Variants in FARS2 observed in about 807,000 individuals in gnomAD.
FARS2 encodes phenylalanyl-tRNA synthetase 2, mitochondrial.
FARS2 carries 40 observed loss-of-function variants against 46.4 expected under a neutral mutation model. The ratio of observed to expected loss-of-function variants is 0.86; its 90% confidence interval spans 0.67 to 1.12. FARS2 has a LOEUF of 1.12. FARS2 is among the 50% of genes most tolerant of loss of function. FARS2 has a pLI of 0.00. For missense variants in FARS2, 513 were observed against 567.9 expected (o/e 0.90, Z 0.98); for synonymous variants, 234 against 214.9 (o/e 1.09, Z -0.78).
At chr6:5,403,600 T>C (rs1444566681) in intron 2 of FARS2, among the ~76,000 whole-genome samples, 2 of 152,240 alleles carry the variant, frequency 1.3e-5, no homozygotes, top group Non-Finnish European at 2.9e-5. Flanking sequence ...ACTTCTTCAA[T>C]GCTGTTAAGA....
intron 6 of FARS2, among the ~76,000 whole-genome samples, chr6:5,653,232 A>G (rs1279359482): frequency 2.0e-5 from 3 of 152,210 alleles, no homozygotes; most frequent in Non-Finnish European, 4.4e-5. Context: ...GAATTCTCTT[A>G]CTGAAGTATC....
rs77844480 is a variant in FARS2, at chr6:5,704,555, C to T, written c.1218-66736C>T. Among the ~76,000 whole-genome samples, 1,477 of 152,316 alleles carry T rather than the reference C, an allele frequency of 9.7e-3. 23 individuals carry two copies. The highest frequency in any genetic ancestry group is 0.031 in the African/African-American group (1,306 of 41,568). On this transcript the variant is annotated intron_variant, in intron 6 of 6. Coordinates refer to ENST00000274680, the MANE Select transcript of FARS2 (RefSeq NM_006567.5). ...CTGCAACTATGTTTTGTCTCATTCACGTGTCAATATATACATATGCTAGAT... is the reference window on the plus strand; with the variant it reads ...CTGCAACTATGTTTTGTCTCATTCATGTGTCAATATATACATATGCTAGAT...
At chr6:5,408,431 G>C (rs1300679713) in intron 3 of FARS2, among the ~76,000 whole-genome samples, 2 of 152,160 alleles carry the variant, frequency 1.3e-5, no homozygotes, top group Non-Finnish European at 2.9e-5. Flanking sequence ...ACGGAAAGAA[G>C]GAAAGAAGAG....
intron 4 of FARS2, among the ~76,000 whole-genome samples, chr6:5,435,013 A>G (rs939202180): frequency 6.6e-6 from 1 of 152,172 alleles, no homozygotes; most frequent in Non-Finnish European, 1.5e-5. Context: ...TCATTTAACC[A>G]TGATAACAAG....
At chr6:5,416,849 A>C (rs1448626029) in intron 3 of FARS2, among the ~76,000 whole-genome samples, 1 of 152,214 alleles carries the variant, frequency 6.6e-6, no homozygotes, top group East Asian at 1.9e-4. Flanking sequence ...CTGTTACCCC[A>C]CTTCTGTATA....
chr6:5,419,670 G>A (rs1762435068), intron 3 of FARS2, among the ~76,000 whole-genome samples: 1 of 152,116 alleles, frequency 6.6e-6, no homozygotes, highest in Admixed American at 6.5e-5. Flanking sequence ...TAGGCCTATG[G>A]CTTGGATCCC....
At chr6:5,648,692 C>T (rs1777198354) in intron 6 of FARS2, among the ~76,000 whole-genome samples, 1 of 152,248 alleles carries the variant, frequency 6.6e-6, no homozygotes, top group Admixed American at 6.5e-5. Context: ...GGATTCAAAT[C>T]CAAAGGCTAG....
At position 5,768,863 on chromosome 6, in the gene FARS2, T is replaced by G. The variant is rs78153302; in HGVS notation, c.1218-2428T>G. Among the ~76,000 whole-genome samples the G allele has an allele frequency of 4.2e-3, 635 of 152,346 alleles. 3 individuals are homozygous for G. Among genetic ancestry groups the G allele is most frequent in the African/African-American group, 0.015 (614 of 41,576 alleles). On this transcript the variant is annotated intron_variant, in intron 6 of 6. Transcript: ENST00000274680. ...TTGAGTTGTAAGAGTTCTTTGTATA[T>G]TCTAGATACAAATCCCTTATCAGGT...
rs182958471 is a variant in FARS2 at position 5,456,938 on chromosome 6, G to A, written c.904+25766G>A. The A allele has an allele frequency of 3.9e-3, 587 of 152,268 alleles. 5 individuals carry two copies. Among genetic ancestry groups the A allele is most frequent in the African/African-American group, 0.013 (551 of 41,524 alleles). 9.4% of individuals were successfully genotyped at this position (152,268 alleles called of 1,614,324 possible). ...ACAACAGCAGGGAAAGGGAGGCCGA[G>A]GGTAGCCCACTTACCTCGCCTTGGT... On this transcript the variant is annotated intron_variant, in intron 4 of 6. Transcript: ENST00000274680.
intron 6 of FARS2, among the ~76,000 whole-genome samples, chr6:5,717,908 C>CCATATATATATA (rs1554128848): frequency 1.3e-5 from 1 of 77,716 alleles, no homozygotes; most frequent in African/African-American, 4.2e-5. Flanking sequence ...AAGGTATCAG[C>CCATATATATATA]TATATATATA....
intron 4 of FARS2, among the ~76,000 whole-genome samples, chr6:5,521,953 A>G (rs1769166312): frequency 6.6e-6 from 1 of 152,180 alleles, no homozygotes; most frequent in African/African-American, 2.4e-5. Context: ...CAAGGATAAA[A>G]TGTCATTGAC....
chr6:5,377,893 A>G (rs1482456498), intron 2 of FARS2, among the ~76,000 whole-genome samples: 2 of 152,196 alleles, frequency 1.3e-5, no homozygotes, highest in Admixed American at 1.3e-4. Flanking sequence ...CTTAGTCCCT[A>G]TAATGTTTTG....
chr6:5,479,275 G>A (rs933783520), intron 4 of FARS2, among the ~76,000 whole-genome samples: 4 of 152,282 alleles, frequency 2.6e-5, no homozygotes, highest in Admixed American at 1.3e-4. Context: ...TTGGGTGTGT[G>A]CCCTCTTTCT....
rs549777081 is a variant in FARS2, at chr6:5,423,503, G to T, written c.773-7538G>T. ...ACATTGGTCTTTCTGCCAAGCAGAA[G>T]AATAATAGCTGTGGGACCAGTTATA... On this transcript the variant is annotated intron_variant, in intron 3 of 6. Transcript: ENST00000274680. Among the ~76,000 whole-genome samples, 3 of 152,230 alleles carry T rather than the reference G, an allele frequency of 2.0e-5. No homozygotes were observed. In the South Asian group the frequency reaches 6.2e-4, roughly 32 times the overall value.
At chr6:5,632,637 T>C (rs7768502) in intron 6 of FARS2, among the ~76,000 whole-genome samples, 77,338 of 141,138 alleles carry the variant, frequency 0.55, 21,647 homozygotes, top group East Asian at 0.93. Flanking sequence ...CTCCCTCCCT[T>C]CTTCCTTCCT....
chr6:5,291,178 T>C (rs952862664), intron 1 of FARS2: 4 of 152,240 alleles, frequency 2.6e-5, no homozygotes, highest in Non-Finnish European at 2.9e-5. Context: ...ACAGGCTTTG[T>C]TAGCATTTAC....
At chr6:5,544,794 C>T (rs1216570583) in intron 4 of FARS2, among the ~76,000 whole-genome samples, 1 of 152,192 alleles carries the variant, frequency 6.6e-6, no homozygotes, top group Admixed American at 6.5e-5. Context: ...ATCTACTACA[C>T]TTAAGGACAG....
intron 6 of FARS2, among the ~76,000 whole-genome samples, chr6:5,671,579 C>T (rs560136217): frequency 6.6e-6 from 1 of 152,266 alleles, no homozygotes; most frequent in African/African-American, 2.4e-5. Flanking sequence ...TCAACACTGT[C>T]GGGCCAGTCT....
chr6:5,510,959 C>T (rs897959762), intron 4 of FARS2, among the ~76,000 whole-genome samples: 3 of 152,188 alleles, frequency 2.0e-5, no homozygotes, highest in South Asian at 2.1e-4. Context: ...TCCTCCTCTC[C>T]CTCCCTCAGC....
Sources: gnomAD v4.1 joint callset for allele counts (sites outside exome capture counted in the v4.1 genomes callset) on GRCh38, gnomAD v4.1.1 for gene constraint, MANE v1.5 for transcripts, NCBI Gene and HGNC (gene_info 2026-07-23, HGNC 2026-07-21) for gene names.